DDHD1: variants seen among roughly 807,000 people sequenced by gnomAD.
DDHD1 encodes DDHD domain containing 1.
DDHD1 carries 49 observed loss-of-function variants against 96.4 expected under a neutral mutation model. That is an observed-to-expected ratio of 0.51 (90% confidence interval 0.40 to 0.64). DDHD1 has a LOEUF of 0.64. DDHD1 is among the 30% of genes least tolerant of loss of function. The pLI is 0.00. For synonymous variants in DDHD1, 442 were observed against 446.5 expected (o/e 0.99, Z 0.13); for missense variants, 1,106 against 1,161.2 (o/e 0.95, Z 0.69).
At chr14:53,101,184 A>G (rs1887267475) in intron 2 of DDHD1, among the ~76,000 whole-genome samples, 1 of 152,192 alleles carries the variant, frequency 6.6e-6, no homozygotes, top group Middle Eastern at 3.2e-3. Context: ...AATTAAAAAG[A>G]TTATAATATT....
In DDHD1 at chr14:53,051,944, C is replaced by T; in HGVS notation, c.2438-17G>A. On this transcript the variant is annotated splice_polypyrimidine_tract_variant and intron_variant, in intron 11 of 12. Transcript: ENST00000673822. Reference sequence around the variant, plus strand: ...GTCTGAAATCTGTGAAAAAAAAACACAAGATGCTGTAAAGGGTTGGCTGAT... The same window carrying T: ...GTCTGAAATCTGTGAAAAAAAAACATAAGATGCTGTAAAGGGTTGGCTGAT... 6.4e-7 allele frequency: 1 copy of T among 1,556,698 alleles called. No individual in the cohort carries two copies. Among genetic ancestry groups the T allele is most frequent in the South Asian group, 1.2e-5 (1 of 84,840 alleles).
At chr14:53,109,829 C>T (rs1211502192) in intron 1 of DDHD1, among the ~76,000 whole-genome samples, 3 of 152,162 alleles carry the variant, frequency 2.0e-5, no homozygotes, top group African/African-American at 7.2e-5. Flanking sequence ...AAGATTCCAA[C>T]CAAAGTTTGA....
chr14:53,123,280 G>A (rs1201134915), intron 1 of DDHD1, among the ~76,000 whole-genome samples: 1 of 151,800 alleles, frequency 6.6e-6, no homozygotes, highest in Non-Finnish European at 1.5e-5. Flanking sequence ...CCAAGTAGCT[G>A]GAATTACAGG....
chr14:53,142,989 G>A (rs1156304837), intron 1 of DDHD1, among the ~76,000 whole-genome samples: 3 of 152,256 alleles, frequency 2.0e-5, no homozygotes, highest in Non-Finnish European at 4.4e-5. Context: ...CAGGAAGATG[G>A]AGAAACAATC....
intron 1 of DDHD1, among the ~76,000 whole-genome samples, chr14:53,128,780 C>A (rs942457260): frequency 3.9e-5 from 6 of 152,180 alleles, no homozygotes; most frequent in African/African-American, 1.4e-4. Context: ...GCCATCATAT[C>A]CCCTGTGACC....
intron 8 of DDHD1, 111 bp downstream of exon 8, chr14:53,061,015 A>T (rs1054024906): frequency 2.0e-5 from 20 of 1,005,414 alleles, no homozygotes; most frequent in African/African-American, 6.6e-5. Flanking sequence ...TTGAATAAAT[A>T]TTTATTTTGA....
chr14:53,129,457 G>T (rs1171455016), intron 1 of DDHD1, among the ~76,000 whole-genome samples: 1 of 151,882 alleles, frequency 6.6e-6, no homozygotes, highest in Non-Finnish European at 1.5e-5. Flanking sequence ...TCAAAACTCT[G>T]GTGCCGGTTA....
rs146372231 is a variant in DDHD1 at position 53,125,923 on chromosome 14, G to A, written c.839-22067C>T. Among the ~76,000 whole-genome samples, 160 of 152,200 alleles carry A rather than the reference G, an allele frequency of 1.1e-3. 2 individuals are homozygous for A. In the East Asian group the frequency reaches 0.022, roughly 21 times the overall value. On this transcript the variant is annotated intron_variant, in intron 1 of 12. Transcript: ENST00000673822. ...TCACCATGTTGACCAGGCTGGTCTC[G>A]AACTCCTGACCTCGTGATCTGCCTG...
intron 1 of DDHD1, among the ~76,000 whole-genome samples, chr14:53,125,839 T>A (rs1227932741): frequency 6.6e-6 from 1 of 151,948 alleles, no homozygotes; most frequent in Admixed American, 6.6e-5. Flanking sequence ...GTAGCTGGGA[T>A]TACAGGTACC....
At chr14:53,057,339 C>G (rs537273381) in intron 9 of DDHD1, among the ~76,000 whole-genome samples, 2 of 152,024 alleles carry the variant, frequency 1.3e-5, no homozygotes, top group South Asian at 4.1e-4. Flanking sequence ...GGGCATTTTT[C>G]TTGTCTGAAA....
intron 4 of DDHD1, among the ~76,000 whole-genome samples, chr14:53,078,096 TA>T (rs1437331370): frequency 6.6e-6 from 1 of 152,212 alleles, no homozygotes; most frequent in Non-Finnish European, 1.5e-5. Flanking sequence ...AACATTCTTT[TA>T]ACAAGTTTTT....
chr14:53,052,801 T>A (rs773944354), intron 11 of DDHD1: 8 of 151,952 alleles, frequency 5.3e-5, no homozygotes, highest in Non-Finnish European at 1.0e-4. Flanking sequence ...TTGAGTCTTG[T>A]TGACTATTTT....
chr14:53,094,100 C>G lies in DDHD1; in HGVS notation c.1013-656G>C, dbSNP rs1436951656. Among the ~76,000 whole-genome samples, 18 of 152,116 alleles carry G rather than the reference C, an allele frequency of 1.2e-4. No homozygotes were observed. In the East Asian group the frequency reaches 3.5e-3, roughly 30 times the overall value. On this transcript the variant is annotated intron_variant, in intron 2 of 12. Coordinates refer to ENST00000673822, the MANE Select transcript of DDHD1 (RefSeq NM_001160148.2). ...GCTGAGGCAGGAGAATGGCGTGAAC[C>G]TGGGAGGCGGAGCTTGCAGTGAGCC...
intron 11 of DDHD1, 55 bp downstream of exon 11, chr14:53,054,383 C>A: frequency 6.5e-7 from 1 of 1,543,452 alleles, no homozygotes; most frequent in East Asian, 2.3e-5. Context: ...TCCCTGCCCT[C>A]CCCAAGTTTT....
rs964349672 is a variant in DDHD1, at chr14:53,045,450, C to G, written c.*1318G>C. ...TGTTGCCCAAGCTGGTCTTGAAATC[C>G]TGGGCTCAAGAGATCCTCCCATCTT... is the stretch of plus-strand genomic sequence containing the variant. On this transcript the variant is annotated 3_prime_UTR_variant, in exon 13 of 13. Transcript: ENST00000673822. 5.3e-5 allele frequency: 8 copies of G among 152,272 alleles called. No individual in the cohort carries two copies. The highest frequency in any genetic ancestry group is 7.3e-5 in the Non-Finnish European group (5 of 68,126). 9.4% of individuals were successfully genotyped at this position (152,272 alleles called of 1,614,324 possible).
intron 1 of DDHD1, among the ~76,000 whole-genome samples, chr14:53,139,843 C>CAAAAAAAAAAAAAAAAAAAAAA (rs56999105): frequency 7.6e-6 from 1 of 131,260 alleles, no homozygotes; most frequent in African/African-American, 2.8e-5. Flanking sequence ...CAAGAGACCA[C>CAAAAAAAAAAAAAAAAAAAAAA]AAAAAAAAAA....
In DDHD1 at chr14:53,046,119, G is replaced by A. The variant is rs143125034; in HGVS notation, c.*649C>T. 6.6e-6 allele frequency: 1 copy of A among 151,982 alleles called. No homozygotes were observed. Among genetic ancestry groups the A allele is most frequent in the African/African-American group, 2.4e-5 (1 of 41,382 alleles). The allele number at this position is 151,982 out of a possible 1,614,324, so 9.4% of individuals were successfully genotyped here. A position where few individuals can be genotyped will look rare whatever the true frequency, so the allele number is the denominator to read the frequency against. ...CAAAGATGGAGTTCTGAGAAAAAAG[G>A]GTTTATCACTATAGAAAATAAATCT... On this transcript the variant is annotated 3_prime_UTR_variant, in exon 13 of 13. Coordinates refer to ENST00000673822, the MANE Select transcript of DDHD1 (RefSeq NM_001160148.2).
At position 53,083,026 on chromosome 14, in the gene DDHD1, G is replaced by C. The variant is rs867663832; in HGVS notation, c.1289+8759C>G. On this transcript the variant is annotated intron_variant, in intron 4 of 12. Coordinates refer to ENST00000673822, the MANE Select transcript of DDHD1 (RefSeq NM_001160148.2). Reference sequence around the variant, plus strand: ...GACACAAGGACAAAGGATAATGAGGGAAGACGGGGAGAGAAATGAGAATCA... The same window carrying C: ...GACACAAGGACAAAGGATAATGAGGCAAGACGGGGAGAGAAATGAGAATCA... Among the ~76,000 whole-genome samples, 9 of 152,252 alleles carry C rather than the reference G, an allele frequency of 5.9e-5. No homozygotes were observed. The Middle Eastern group carries it at 0.01, about 173-fold the overall frequency.
chr14:53,085,456 C>A (rs1410957393), intron 4 of DDHD1, among the ~76,000 whole-genome samples: 2 of 152,182 alleles, frequency 1.3e-5, no homozygotes, highest in African/African-American at 4.8e-5. Flanking sequence ...AATTGCTTTT[C>A]TTCAACATTT....
Sources: allele counts gnomAD v4.1 joint callset (sites outside exome capture counted in the v4.1 genomes callset), GRCh38; gene constraint gnomAD v4.1.1; transcripts MANE v1.5; gene names NCBI Gene and HGNC (gene_info 2026-07-23, HGNC 2026-07-21).